CLMP: variants seen among roughly 807,000 people sequenced by gnomAD.
The protein encoded by CLMP is CXADR like cell adhesion molecule.
Under a neutral mutation model 45.2 loss-of-function variants are expected in CLMP, and 27 were observed. The ratio of observed to expected loss-of-function variants is 0.60; its 90% CI spans 0.44 to 0.82. CLMP has a LOEUF of 0.82. CLMP is among the 40% of genes least tolerant of loss of function. CLMP has a pLI of 0.00. For synonymous variants in CLMP, 167 were observed against 171.4 expected (o/e 0.97, Z 0.20); for missense variants, 403 against 448.4 (o/e 0.90, Z 0.91).
intron 1 of CLMP, among the ~76,000 whole-genome samples, chr11:123,127,659 A>T (rs1860916293): frequency 6.6e-6 from 1 of 152,202 alleles, no homozygotes; most frequent in Non-Finnish European, 1.5e-5. Flanking sequence ...TATGACATAC[A>T]CACAAAAGAA....
At chr11:123,101,719 A>T (rs1866063289) in intron 1 of CLMP, among the ~76,000 whole-genome samples, 1 of 152,234 alleles carries the variant, frequency 6.6e-6, no homozygotes, top group East Asian at 1.9e-4. Flanking sequence ...TATTGGGCCA[A>T]GCTAACTTTG....
At chr11:123,129,920 T>TTC (rs2135507680) in intron 1 of CLMP, among the ~76,000 whole-genome samples, 1 of 150,916 alleles carries the variant, frequency 6.6e-6, no homozygotes, top group East Asian at 1.9e-4. Flanking sequence ...AAACACACTT[T>TTC]TTTTTTTTCC....
At chr11:123,118,373 G>A (rs1670219787) in intron 1 of CLMP, among the ~76,000 whole-genome samples, 1 of 152,156 alleles carries the variant, frequency 6.6e-6, no homozygotes, top group African/African-American at 2.4e-5. Flanking sequence ...GACCTCAGGT[G>A]ATCTTCCTGC....
intron 1 of CLMP, among the ~76,000 whole-genome samples, chr11:123,167,329 T>A (rs931275746): frequency 1.3e-5 from 2 of 152,154 alleles, no homozygotes; most frequent in Non-Finnish European, 2.9e-5. Context: ...TCTGTCACCC[T>A]GGCTGGAACG....
intron 1 of CLMP, among the ~76,000 whole-genome samples, chr11:123,167,288 T>G (rs1445070650): frequency 2.6e-5 from 4 of 152,056 alleles, no homozygotes; most frequent in Non-Finnish European, 5.9e-5. Context: ...CTTTTATTTC[T>G]TTCTTTCTTT....
intron 1 of CLMP, among the ~76,000 whole-genome samples, chr11:123,107,711 G>A (rs988756260): frequency 2.0e-5 from 3 of 151,914 alleles, no homozygotes; most frequent in Non-Finnish European, 4.4e-5. Flanking sequence ...ATACCACATG[G>A]ACAAACCAGG....
In CLMP at chr11:123,187,253, C is replaced by T. The variant is rs569053088; in HGVS notation, c.28+7660G>A. Among the ~76,000 whole-genome samples, 7 of 152,258 alleles carry T rather than the reference C, an allele frequency of 4.6e-5. No homozygotes were observed. The South Asian group carries it at 6.2e-4, about 14-fold the overall frequency. ...GGAGCCCAGGGGCCAATTCTTACAG[C>T]GGTTGCTCCATGGCTGGTCTACATG... On this transcript the variant is annotated intron_variant, in intron 1 of 6. Coordinates refer to ENST00000448775, the MANE Select transcript of CLMP (RefSeq NM_024769.5).
chr11:123,097,906 T>C lies in CLMP; in HGVS notation c.75A>G (p.Arg25=). ...GTLGTHTEIK[R]VAEEKVTLPC... is the part of the protein sequence containing the mutation. The stretch of plus-strand genomic sequence containing the variant: ...GCAAAGTGACCTTTTCCTCTGCCAC[T>C]CTCTTGATCTCAGTGTGAGTCCCCA... Residue 25 remains arginine (R), a synonymous_variant, in exon 2 of 7, where the codon AGA becomes AGG. Transcript: ENST00000448775. 6.2e-7 allele frequency: 1 copy of C among 1,602,488 alleles called. No individual in the cohort carries two copies. Among genetic ancestry groups the C allele is most frequent in the Non-Finnish European group, 8.5e-7 (1 of 1,175,238 alleles).
At chr11:123,120,620 G>T (rs758999313) in intron 1 of CLMP, among the ~76,000 whole-genome samples, 2 of 151,958 alleles carry the variant, frequency 1.3e-5, no homozygotes, top group African/African-American at 4.8e-5. Context: ...TATGAGAATC[G>T]AGTTAGTTTT....
At chr11:123,148,055 C>T (rs564315262) in intron 1 of CLMP, among the ~76,000 whole-genome samples, 7 of 152,298 alleles carry the variant, frequency 4.6e-5, no homozygotes, top group Non-Finnish European at 8.8e-5. Context: ...GTTACTTGAC[C>T]TTTCCATACC....
At chr11:123,081,119 C>T (rs1865799137) in intron 5 of CLMP, among the ~76,000 whole-genome samples, 2 of 151,792 alleles carry the variant, frequency 1.3e-5, no homozygotes, top group African/African-American at 4.8e-5. Context: ...CGCCATTGCA[C>T]TGCAGCCTGG....
intron 1 of CLMP, among the ~76,000 whole-genome samples, chr11:123,150,520 G>GAAAGAAAGC (rs1861315186): frequency 7.8e-6 from 1 of 128,650 alleles, no homozygotes; most frequent in African/African-American, 3.1e-5. Context: ...AGGAAGGAAG[G>GAAAGAAAGC]AAGGAAGGAA....
chr11:123,096,082 G>A (rs1345314798), intron 2 of CLMP, among the ~76,000 whole-genome samples: 1 of 152,154 alleles, frequency 6.6e-6, no homozygotes, highest in African/African-American at 2.4e-5. Flanking sequence ...ATACTCAGAG[G>A]TCTGGCACAG....
At chr11:123,088,499 T>G (rs1228453660) in intron 2 of CLMP, among the ~76,000 whole-genome samples, 1 of 152,186 alleles carries the variant, frequency 6.6e-6, no homozygotes, top group Non-Finnish European at 1.5e-5. Context: ...TCTAGGAGAA[T>G]GAAGAGAGGC....
intron 1 of CLMP, among the ~76,000 whole-genome samples, chr11:123,124,233 C>G (rs1591467713): frequency 6.6e-6 from 1 of 151,992 alleles, no homozygotes; most frequent in Non-Finnish European, 1.5e-5. Flanking sequence ...CTAGGCTGGT[C>G]TCGAACTCCT....
At chr11:123,095,929 C>G (rs1865983271) in intron 2 of CLMP, among the ~76,000 whole-genome samples, 1 of 152,118 alleles carries the variant, frequency 6.6e-6, no homozygotes, top group South Asian at 2.1e-4. Context: ...GAACCTGCCT[C>G]AAGTGTGATC....
chr11:123,182,580 C>T (rs1290410913), intron 1 of CLMP, among the ~76,000 whole-genome samples: 2 of 152,156 alleles, frequency 1.3e-5, no homozygotes, highest in Admixed American at 6.5e-5. Flanking sequence ...CTTCACCAAG[C>T]GTGGTTCCTA....
chr11:123,123,594 C>A (rs1468891538), intron 1 of CLMP, among the ~76,000 whole-genome samples: 1 of 152,066 alleles, frequency 6.6e-6, no homozygotes, highest in African/African-American at 2.4e-5. Flanking sequence ...TGGCGAGTCC[C>A]ATGAGGAAGT....
At chr11:123,185,387 GGA>G (rs149937458) in intron 1 of CLMP, among the ~76,000 whole-genome samples, 31 of 149,220 alleles carry the variant, frequency 2.1e-4, no homozygotes, top group Middle Eastern at 7.1e-3. Flanking sequence ...TGGCGCCAGG[GGA>G]GAGAGAGAGA....
Sources: allele counts gnomAD v4.1 joint callset (sites outside exome capture counted in the v4.1 genomes callset), GRCh38; gene constraint gnomAD v4.1.1; transcripts MANE v1.5; gene names NCBI Gene and HGNC (gene_info 2026-07-23, HGNC 2026-07-21).